Variants in TUB observed in about 807,000 individuals in gnomAD.
The protein encoded by TUB is TUB bipartite transcription factor.
A neutral mutation model predicts 59.7 loss-of-function variants in TUB; 33 were observed. The ratio of observed to expected loss-of-function variants is 0.55; its 90% CI spans 0.42 to 0.74. The LOEUF (loss-of-function observed/expected upper bound fraction) is 0.74, where lower values mean the gene tolerates loss of function less well. TUB is among the 30% of genes least tolerant of loss of function. The pLI is 0.00. For synonymous variants in TUB, 293 were observed against 256.4 expected (o/e 1.14, Z -1.36); for missense variants, 659 against 672.0 (o/e 0.98, Z 0.21).
chr11:8,040,721 G>C (rs1158993365), intron 2 of TUB, among the ~76,000 whole-genome samples: 1 of 152,202 alleles, frequency 6.6e-6, no homozygotes, highest in Admixed American at 6.5e-5. Flanking sequence ...GTAGGAGGAG[G>C]AGGGGTGCAA....
chr11:8,093,426 G>C (rs1378304987), intron 3 of TUB, among the ~76,000 whole-genome samples: 1 of 152,192 alleles, frequency 6.6e-6, no homozygotes, highest in Non-Finnish European at 1.5e-5. Context: ...TTCAGCTTAA[G>C]AGCAATCAGA....
In TUB at chr11:8,098,655, A is replaced by G. The variant is rs577137429; in HGVS notation, c.999-103A>G. 9.0e-4 allele frequency: 750 copies of G among 831,558 alleles called. 5 individuals are homozygous for G. The African/African-American group carries it at 0.011, about 12-fold the overall frequency. The allele number at this position is 831,558 out of a possible 1,614,324, so 51.5% of individuals were successfully genotyped here. A position where few individuals can be genotyped will look rare whatever the true frequency, so the allele number is the denominator to read the frequency against. On this transcript the variant is annotated intron_variant, in intron 8 of 11. Transcript: ENST00000299506. The stretch of plus-strand genomic sequence containing the variant: ...GCCTCCCTGGGCCTGCTCCTGTTCC[A>G]GCCCAGAATGTTTTGCAGGCTCCTC...
intron 6 of TUB, 111 bp downstream of exon 6, chr11:8,096,917 G>A (rs951115685): frequency 2.1e-5 from 27 of 1,278,810 alleles, no homozygotes; most frequent in Non-Finnish European, 3.0e-5. Context: ...TTCTCTGCTG[G>A]CCTCTTATGT....
At chr11:8,040,530 T>G (rs114595552) in intron 2 of TUB, among the ~76,000 whole-genome samples, 211 of 152,336 alleles carry the variant, frequency 1.4e-3, no homozygotes, top group African/African-American at 4.6e-3. Flanking sequence ...GGAAGCTCTG[T>G]GGAGAGCCAG....
chr11:8,094,249 G>A (rs1213860794), intron 4 of TUB, 60 bp downstream of exon 4: 6 of 1,531,932 alleles, frequency 3.9e-6, no homozygotes, highest in Admixed American at 2.0e-5. Flanking sequence ...TAGGGCTGGG[G>A]AAGGTTTGTC....
At chr11:8,023,538 C>T (rs1192291794) in intron 1 of TUB, among the ~76,000 whole-genome samples, 1 of 152,222 alleles carries the variant, frequency 6.6e-6, no homozygotes, top group African/African-American at 2.4e-5. Flanking sequence ...ATATCTTCAA[C>T]TCCAGCCTTT....
intron 11 of TUB, 113 bp from the exon 12 acceptor site, chr11:8,101,373 C>G: frequency 7.3e-7 from 1 of 1,363,858 alleles, no homozygotes; most frequent in Non-Finnish European, 1.0e-6. Flanking sequence ...CCCCTGGCAT[C>G]TCTGCTTCTC....
At chr11:8,069,808 G>A (rs2133793664) in intron 2 of TUB, among the ~76,000 whole-genome samples, 1 of 152,208 alleles carries the variant, frequency 6.6e-6, no homozygotes. Flanking sequence ...ACACAGGTCA[G>A]CTGAATTGGC....
intron 1 of TUB, among the ~76,000 whole-genome samples, chr11:8,082,669 CT>C (rs1430567468): frequency 6.6e-6 from 1 of 152,236 alleles, no homozygotes; most frequent in African/African-American, 2.4e-5. Context: ...ATACCAGTCA[CT>C]GATAGAAAAT....
intron 2 of TUB, among the ~76,000 whole-genome samples, chr11:8,073,135 T>C (rs1406095): frequency 0.5 from 75,606 of 151,924 alleles, 18,880 homozygotes; most frequent in South Asian, 0.54. Flanking sequence ...TCTTGGAACT[T>C]TTATCCCCAC....
Position 8,081,524 on chromosome 11 carries a change from C to A in TUB, c.14C>A (p.Pro5Gln), listed in dbSNP as rs748080754. 3.2e-6 allele frequency: 5 copies of A among 1,553,344 alleles called. No homozygotes were observed. Among genetic ancestry groups the A allele is most frequent in the Non-Finnish European group, 4.3e-6 (5 of 1,155,790 alleles). Residue 5 changes from proline (P) to glutamine (Q), a missense_variant, in exon 1 of 12, where the codon CCG (proline) becomes CAG (glutamine). By Grantham distance (76) the Pro-to-Gln change is moderately conservative (BLOSUM62 -1). Coordinates refer to ENST00000299506, the MANE Select transcript of TUB (RefSeq NM_177972.3). MTSKPHSDWIPYSVL... is the reference protein window; with the variant it reads MTSKQHSDWIPYSVL... ...CCCCCGAGAGACATGACTTCCAAGC[C>A]GCATTCCGACTGGATTCCCTACAGG... is the stretch of plus-strand genomic sequence containing the variant.
chr11:8,048,541 G>A (rs184688914), intron 2 of TUB, among the ~76,000 whole-genome samples: 154 of 152,162 alleles, frequency 1.0e-3, no homozygotes, highest in Middle Eastern at 3.4e-3. Flanking sequence ...ACCTGGAACT[G>A]TAGGAATATG....
chr11:8,061,816 G>A (rs553138719), intron 2 of TUB, among the ~76,000 whole-genome samples: 34 of 152,090 alleles, frequency 2.2e-4, no homozygotes, highest in Admixed American at 3.9e-4. Flanking sequence ...AGGTCCCCCA[G>A]CTCTCTTGCT....
rs1368140521 is a variant in TUB, at chr11:8,103,793, T to G, written c.*2174T>G. The G allele has an allele frequency of 1.3e-5, 2 of 152,626 alleles. No homozygotes were observed. The highest frequency in any genetic ancestry group is 2.9e-5 in the Non-Finnish European group (2 of 68,044). The allele number at this position is 152,626 out of a possible 1,614,324, so 9.5% of individuals were successfully genotyped here. A position where few individuals can be genotyped will look rare whatever the true frequency, so the allele number is the denominator to read the frequency against. On this transcript the variant is annotated 3_prime_UTR_variant, in exon 12 of 12. Coordinates refer to ENST00000299506, the MANE Select transcript of TUB (RefSeq NM_177972.3). ...TGTTAGGTCAAGCTATTTCTCTGGA[T>G]CTATGATTTTAAGATAGAACAGGCT...
At chr11:8,097,683 T>C in intron 7 of TUB, 31 bp from the exon 8 acceptor site, 2 of 1,574,508 alleles carry the variant, frequency 1.3e-6, no homozygotes, top group Non-Finnish European at 1.7e-6. Context: ...AGAGGCTGAG[T>C]CTGGAATATG....
chr11:8,019,347 G>T, exon 1 of TUB: 1 of 1,269,804 alleles, frequency 7.9e-7, no homozygotes, highest in Non-Finnish European at 9.9e-7. Context: ...ACAGCCGCTG[G>T]AGCTATGACA....
chr11:8,098,619 G>A, intron 8 of TUB, 139 bp from the exon 9 acceptor site: 2 of 648,098 alleles, frequency 3.1e-6, no homozygotes, highest in Non-Finnish European at 5.5e-6. Context: ...TGTGGATTCA[G>A]TGAGCAGTAT....
chr11:8,036,347 C>A (rs569422289), upstream of TUB, among the ~76,000 whole-genome samples: 1 of 152,306 alleles, frequency 6.6e-6, no homozygotes, highest in South Asian at 2.1e-4. Context: ...TATTTTCCTG[C>A]AGATAGGAAT....
rs1405244408 is a variant in TUB, at chr11:8,097,815, C to CG, written c.990dup (p.Lys331GlufsTer15). 2.5e-6 allele frequency: 4 copies of CG among 1,613,094 alleles called. No individual in the cohort carries two copies. Among genetic ancestry groups the CG allele is most frequent in the Non-Finnish European group, 3.4e-6 (4 of 1,179,414 alleles). ...TGTCTCGAGGAGGGGACAGCTATAT[C>CG]GGGAAACTGCGGTACTAGCATTCCC... On this transcript the variant is annotated frameshift_variant, in exon 8 of 12. Transcript: ENST00000299506. LOFTEE classifies it high-confidence loss of function.
Sources: gnomAD v4.1 joint callset for allele counts (sites outside exome capture counted in the v4.1 genomes callset) on GRCh38, gnomAD v4.1.1 for gene constraint, MANE v1.5 for transcripts, NCBI Gene and HGNC (gene_info 2026-07-23, HGNC 2026-07-21) for gene names.